TGFBI: variants seen among roughly 807,000 people sequenced by gnomAD.
TGFBI encodes transforming growth factor-beta-induced protein ig-h3.
A neutral mutation model predicts 73.7 loss-of-function variants in TGFBI; 50 were observed. The observed-to-expected ratio is 0.68, with a 90% CI of 0.54 to 0.86. TGFBI has a LOEUF of 0.86. TGFBI is among the 40% of genes least tolerant of loss of function. The pLI is 0.00. For missense variants in TGFBI, 839 were observed against 877.0 expected (o/e 0.96, Z 0.55); for synonymous variants, 362 against 360.5 (o/e 1.00, Z -0.05).
intron 7 of TGFBI, among the ~76,000 whole-genome samples, chr5:136,050,194 A>C (rs952546532): frequency 6.6e-6 from 1 of 152,078 alleles, no homozygotes; most frequent in Non-Finnish European, 1.5e-5. Context: ...TTAGCTGGGC[A>C]TGGTGGTGGG....
rs191099960 is a variant in TGFBI, at chr5:136,046,692, A to T, written c.460-159A>T. On this transcript the variant is annotated intron_variant, in intron 4 of 16. Coordinates refer to ENST00000442011, the MANE Select transcript of TGFBI (RefSeq NM_000358.3). ...TTGCGTCTAATGCCCCCCGTTCCCTACTGGGCAGAAAGACTTGGGTGCTTC... is the reference window on the plus strand; with the variant it reads ...TTGCGTCTAATGCCCCCCGTTCCCTTCTGGGCAGAAAGACTTGGGTGCTTC... The T allele has an allele frequency of 1.0e-4, 127 of 1,217,192 alleles. No individual in the cohort carries two copies. In the East Asian group the frequency reaches 3.2e-3, roughly 31 times the overall value. The allele number at this position is 1,217,192 out of a possible 1,614,324, so 75.4% of individuals were successfully genotyped here. A position where few individuals can be genotyped will look rare whatever the true frequency, so the allele number is the denominator to read the frequency against.
rs1751447608 is a variant in TGFBI at position 136,047,282 on chromosome 5, T to G, written c.633T>G (p.Thr211=). The G allele has an allele frequency of 6.2e-7, 1 of 1,613,832 alleles. No individual in the cohort carries two copies. Among genetic ancestry groups the G allele is most frequent in the Non-Finnish European group, 8.5e-7 (1 of 1,179,840 alleles). The part of the protein sequence containing the change: ...QIHHYPNGIV[T]VNCARLLKAD... The stretch of plus-strand genomic sequence containing the variant: ...GCTGCTTCTCTGGGCAGATTGTAAC[T>G]GTGAACTGTGCCCGGCTGCTGAAAG... Residue 211 remains threonine (T), a synonymous_variant, in exon 6 of 17, where the codon ACT becomes ACG. Transcript: ENST00000442011.
At chr5:136,046,297 C>T (rs777429087) in intron 3 of TGFBI, 38 bp from the exon 4 acceptor site, 15 of 1,612,572 alleles carry the variant, frequency 9.3e-6, no homozygotes, top group Non-Finnish European at 1.1e-5. Flanking sequence ...GGCTGGACCC[C>T]CAGAGGCCAT....
At position 136,047,826 on chromosome 5, in the gene TGFBI, C is replaced by T. The variant is rs182454187; in HGVS notation, c.771+406C>T. On this transcript the variant is annotated intron_variant, in intron 6 of 16. Coordinates refer to ENST00000442011, the MANE Select transcript of TGFBI (RefSeq NM_000358.3). ...CCCTAGGACCCTGGTTCCAACCATACGCATGTTCTCTTGGAGCCCAGAACA... is the reference window on the plus strand; with the variant it reads ...CCCTAGGACCCTGGTTCCAACCATATGCATGTTCTCTTGGAGCCCAGAACA... The T allele has an allele frequency of 1.8e-3, 301 of 168,432 alleles. 3 individuals carry two copies. Among genetic ancestry groups the T allele is most frequent in the Non-Finnish European group, 3.1e-3 (245 of 78,234 alleles). 10.4% of individuals were successfully genotyped at this position (168,432 alleles called of 1,614,324 possible).
Position 136,046,466 on chromosome 5 carries a change from A to T in TGFBI, c.430A>T (p.Ser144Cys). 6.2e-7 allele frequency: 1 copy of T among 1,611,530 alleles called. No individual in the cohort carries two copies. Among genetic ancestry groups the T allele is most frequent in the Non-Finnish European group, 8.5e-7 (1 of 1,178,238 alleles). ...CGGCAGCTTCACCATCTTCGCCCCT[A>T]GCAACGAGGCCTGGGCCTCCTTGCC... ...GPGSFTIFAP[S>C]NEAWASLPAE... The change falls in exon 4 of 17, where the codon AGC becomes TGC. Residue 144 changes from serine to cysteine, a missense_variant. Transcript: ENST00000442011.
At position 136,053,966 on chromosome 5, in the gene TGFBI, G is replaced by T. The variant is rs1488387589; in HGVS notation, c.1150G>T (p.Ala384Ser). 1.2e-6 allele frequency: 2 copies of T among 1,614,026 alleles called. No individual in the cohort carries two copies. The highest frequency in any genetic ancestry group is 2.2e-5 in the East Asian group (1 of 44,888). ...DSAKTLFELA[A>S]ESDVSTAIDL... Reference sequence around the variant, plus strand: ...AGCCAAGACACTATTTGAATTGGCTGCAGAGTCTGATGTGTCCACAGCCAT... The same window carrying T: ...AGCCAAGACACTATTTGAATTGGCTTCAGAGTCTGATGTGTCCACAGCCAT... Residue 384 changes from alanine to serine, a missense_variant, in exon 9 of 17, where the codon GCA becomes TCA. Ala to Ser is a moderately conservative substitution (Grantham distance 99, BLOSUM62 1). Transcript: ENST00000442011.
At chr5:136,049,618 G>A (rs376304211) in intron 7 of TGFBI, 38 bp downstream of exon 7, 22 of 1,597,870 alleles carry the variant, frequency 1.4e-5, no homozygotes, top group Non-Finnish European at 1.5e-5. Context: ...CCTCATTTGT[G>A]CAGCTAGATT....
chr5:136,036,039 G>A (rs771048874), intron 2 of TGFBI, among the ~76,000 whole-genome samples: 18 of 152,178 alleles, frequency 1.2e-4, no homozygotes, highest in Non-Finnish European at 1.9e-4. Context: ...TCTTGTACCT[G>A]TATCTTTGTG....
intron 2 of TGFBI, among the ~76,000 whole-genome samples, chr5:136,043,807 T>G (rs75072293): frequency 0.019 from 2,937 of 152,360 alleles, 89 homozygotes; most frequent in East Asian, 0.083. Flanking sequence ...GCCAGAGTCC[T>G]CTGTTCTCCC....
chr5:136,040,019 C>A (rs1287975769), intron 2 of TGFBI, among the ~76,000 whole-genome samples: 1 of 152,232 alleles, frequency 6.6e-6, no homozygotes, highest in Admixed American at 6.5e-5. Flanking sequence ...ATTCCTTGTT[C>A]CAACGACTTC....
chr5:136,061,689 T>G, intron 15 of TGFBI, 110 bp downstream of exon 15: 1 of 867,454 alleles, frequency 1.2e-6, no homozygotes. Context: ...CCCAGGGCTC[T>G]CTTAAAACTT....
In TGFBI at chr5:136,062,703, G is replaced by A; in HGVS notation, c.2011+16G>A. 6.4e-7 allele frequency: 1 copy of A among 1,565,464 alleles called. No individual in the cohort carries two copies. Among genetic ancestry groups the A allele is most frequent in the Non-Finnish European group, 8.7e-7 (1 of 1,153,520 alleles). ...GTGCGACTAGGTGAGTCTGGTCTGG[G>A]TTTGAAGTCATTGCAGACCTGTTTA... On this transcript the variant is annotated intron_variant, in intron 16 of 16. Coordinates refer to ENST00000442011, the MANE Select transcript of TGFBI (RefSeq NM_000358.3).
At chr5:136,062,735 AC>A in intron 16 of TGFBI, 48 bp downstream of exon 16, 1 of 1,551,206 alleles carries the variant, frequency 6.4e-7, no homozygotes, top group Non-Finnish European at 8.7e-7. Context: ...TTTAGGCCTT[AC>A]CCCCAAGCAA....
intron 9 of TGFBI, 73 bp downstream of exon 9, chr5:136,054,153 C>T: frequency 6.4e-7 from 1 of 1,562,522 alleles, no homozygotes; most frequent in Non-Finnish European, 8.7e-7. Flanking sequence ...CTCCACAACA[C>T]TCTCCGATTT....
chr5:136,032,498 A>G (rs1478350627), intron 1 of TGFBI, among the ~76,000 whole-genome samples: 1 of 152,204 alleles, frequency 6.6e-6, no homozygotes, highest in Non-Finnish European at 1.5e-5. Flanking sequence ...TTACTGCAAT[A>G]TTGGTGTCTT....
At chr5:136,041,705 C>T in intron 2 of TGFBI, among the ~76,000 whole-genome samples, 1 of 152,142 alleles carries the variant, frequency 6.6e-6, no homozygotes, top group Non-Finnish European at 1.5e-5. Context: ...TTAGATCTAT[C>T]CCTTCCTCCT....
Position 136,056,824 on chromosome 5 carries a change from A to G in TGFBI, c.1678+29A>G, listed in dbSNP as rs537069924. ...AAGACCAACTTAAGTACACGTCTCCATTTTTCTAAAGTAGTGATCCCTCAG... is the reference window on the plus strand; with the variant it reads ...AAGACCAACTTAAGTACACGTCTCCGTTTTTCTAAAGTAGTGATCCCTCAG... On this transcript the variant is annotated intron_variant, in intron 12 of 16. Transcript: ENST00000442011. 1.6e-5 allele frequency: 25 copies of G among 1,590,718 alleles called. No individual in the cohort carries two copies. In the South Asian group the frequency reaches 2.7e-4, roughly 17 times the overall value.
Position 136,029,813 on chromosome 5 carries a change from G to T in TGFBI, c.134+624G>T, listed in dbSNP as rs561597574. ...GGGCCCTCACACACACTGTTCAAATGGGGAAACTGAGTCCTGAGTGGTTCC... is the reference window on the plus strand; with the variant it reads ...GGGCCCTCACACACACTGTTCAAATTGGGAAACTGAGTCCTGAGTGGTTCC... On this transcript the variant is annotated intron_variant, in intron 1 of 16. Transcript: ENST00000442011. 1.8e-4 allele frequency among the ~76,000 whole-genome samples: 27 copies of T among 152,310 alleles called. 1 individual carries two copies. The highest frequency in any genetic ancestry group is 6.5e-4 in the African/African-American group (27 of 41,560).
intron 2 of TGFBI, among the ~76,000 whole-genome samples, chr5:136,037,195 G>A (rs1196866675): frequency 2.0e-5 from 3 of 152,204 alleles, no homozygotes; most frequent in Non-Finnish European, 1.5e-5. Flanking sequence ...ACAGGAAGTG[G>A]TTACCAGTGG....
Sources: gnomAD v4.1 joint callset for allele counts (sites outside exome capture counted in the v4.1 genomes callset) on GRCh38, gnomAD v4.1.1 for gene constraint, MANE v1.5 for transcripts, NCBI Gene and HGNC (gene_info 2026-07-23, HGNC 2026-07-21) for gene names.